Variants in ZNF536 observed in about 807,000 individuals in gnomAD.
ZNF536 encodes zinc finger protein 536.
Under a neutral mutation model 84.5 loss-of-function variants are expected in ZNF536, and 13 were observed. That is an observed-to-expected ratio of 0.15 (90% CI 0.10 to 0.24). The LOEUF (loss-of-function observed/expected upper bound fraction) is 0.24, where lower values mean the gene tolerates loss of function less well. Ranked by LOEUF, ZNF536 falls within the 10% of genes least tolerant of loss-of-function variation. The pLI, the probability that ZNF536 is intolerant of heterozygous loss-of-function variation, is 1.00. For missense variants in ZNF536, 1,536 were observed against 1,747.5 expected (o/e 0.88, Z 2.16); for synonymous variants, 811 against 742.5 (o/e 1.09, Z -1.50).
At chr19:30,435,516 G>T (rs1247697229) in intron 1 of ZNF536, among the ~76,000 whole-genome samples, 3 of 151,720 alleles carry the variant, frequency 2.0e-5, no homozygotes, top group Non-Finnish European at 4.4e-5. Context: ...TGATCATTAT[G>T]GTGATGATGA....
chr19:30,543,114 A>G (rs576595471), intron 3 of ZNF536, among the ~76,000 whole-genome samples: 26 of 152,284 alleles, frequency 1.7e-4, no homozygotes, highest in African/African-American at 6.0e-4. Context: ...CCTGGCCGAG[A>G]CTTTTCTTGG....
At chr19:30,631,144 C>T (rs988516084) in intron 1 of ZNF536, among the ~76,000 whole-genome samples, 3 of 152,184 alleles carry the variant, frequency 2.0e-5, no homozygotes, top group Admixed American at 1.3e-4. Flanking sequence ...CTCCTGTAGC[C>T]CCTCGGAAGC....
intron 1 of ZNF536, among the ~76,000 whole-genome samples, chr19:30,588,708 A>C (rs1196816244): frequency 6.6e-6 from 1 of 152,144 alleles, no homozygotes; most frequent in East Asian, 1.9e-4. Context: ...CTTTTCAGGC[A>C]ATTGCTTCTA....
chr19:30,432,048 G>A (rs759086359), intron 1 of ZNF536, among the ~76,000 whole-genome samples: 2 of 148,968 alleles, frequency 1.3e-5, no homozygotes, highest in Non-Finnish European at 3.0e-5. Flanking sequence ...CACGCACAGA[G>A]AGAGAGAGTC....
Position 30,443,548 on chromosome 19 carries a change from C to A in ZNF536, c.-2-13C>A, listed in dbSNP as rs373637353. The A allele has an allele frequency of 6.6e-6, 10 of 1,524,962 alleles. No homozygotes were observed. The highest frequency in any genetic ancestry group is 5.6e-5 in the African/African-American group (4 of 71,894). 94.5% of individuals were successfully genotyped at this position (1,524,962 alleles called of 1,614,324 possible). A position where few individuals can be genotyped will look rare whatever the true frequency, so the allele number is the denominator to read the frequency against. ...GCACCTGGCACGGATCTGAACTCTG[C>A]CTCTCTTTTCAGGGATGGAAGAAGC... On this transcript the variant is annotated splice_polypyrimidine_tract_variant and intron_variant, in intron 1 of 4. Transcript: ENST00000355537.
intron 2 of ZNF536, among the ~76,000 whole-genome samples, chr19:30,520,384 T>C (rs774025857): frequency 6.6e-5 from 10 of 152,118 alleles, no homozygotes; most frequent in Non-Finnish European, 1.5e-4. Flanking sequence ...GGGGAGCTCT[T>C]TGGAGATGTT....
At chr19:30,361,593 C>T (rs957493767) in intron 3 of ZNF536, among the ~76,000 whole-genome samples, 1 of 152,070 alleles carries the variant, frequency 6.6e-6, no homozygotes, top group South Asian at 2.1e-4. Flanking sequence ...GTCAAACACG[C>T]GCCATGGACC....
chr19:30,308,058 T>A lies in ZNF536; in HGVS notation c.-120+23917T>A, dbSNP rs187363458. On this transcript the variant is annotated intron_variant, in intron 2 of 5. Transcript: ENST00000585628. ...GTATACCATTCATTATGCTAAGGCC[T>A]GTATTAACAAGGGCTCTGGCTGATG... Among the ~76,000 whole-genome samples the A allele has an allele frequency of 3.2e-4, 48 of 152,336 alleles. No homozygotes were observed. In the East Asian group the frequency reaches 5.6e-3, roughly 18 times the overall value.
intron 2 of ZNF536, among the ~76,000 whole-genome samples, chr19:30,485,465 C>T (rs2144970148): frequency 6.6e-6 from 1 of 152,312 alleles, no homozygotes; most frequent in African/African-American, 2.4e-5. Context: ...CAGCCCAAGA[C>T]AACCGCACAT....
intron 3 of ZNF536, among the ~76,000 whole-genome samples, chr19:30,537,853 T>A (rs1468731945): frequency 1.3e-5 from 2 of 152,150 alleles, no homozygotes; most frequent in Non-Finnish European, 2.9e-5. Flanking sequence ...CATGGAAACA[T>A]CACACCACCT....
chr19:30,466,535 C>A (rs1255737553), intron 2 of ZNF536, among the ~76,000 whole-genome samples: 1 of 149,318 alleles, frequency 6.7e-6, no homozygotes, highest in Non-Finnish European at 1.5e-5. Context: ...TGCACTCCAG[C>A]TTTGGTGACA....
At chr19:30,543,552 G>A (rs1197164813) in intron 3 of ZNF536, among the ~76,000 whole-genome samples, 2 of 152,250 alleles carry the variant, frequency 1.3e-5, no homozygotes, top group African/African-American at 4.8e-5. Context: ...ATGTCCGGAG[G>A]CCTGGGATTT....
intron 1 of ZNF536, among the ~76,000 whole-genome samples, chr19:30,576,133 C>T (rs894662160): frequency 6.6e-6 from 1 of 152,158 alleles, no homozygotes; most frequent in Non-Finnish European, 1.5e-5. Flanking sequence ...TGCCTCTGAC[C>T]CTGGCTTTTC....
At chr19:30,648,435 A>G (rs534018663) in intron 1 of ZNF536, among the ~76,000 whole-genome samples, 1 of 152,160 alleles carries the variant, frequency 6.6e-6, no homozygotes, top group African/African-American at 2.4e-5. Flanking sequence ...ACATCACACC[A>G]AGGAGCCTGG....
At chr19:30,654,202 G>C (rs71335787) in intron 1 of ZNF536, among the ~76,000 whole-genome samples, 20 of 152,182 alleles carry the variant, frequency 1.3e-4, no homozygotes, top group Admixed American at 7.2e-4. Flanking sequence ...CCCAGGCTGC[G>C]TGGGGCCCAG....
chr19:30,490,845 T>A (rs1234516710), intron 2 of ZNF536, among the ~76,000 whole-genome samples: 1 of 152,176 alleles, frequency 6.6e-6, no homozygotes, highest in Non-Finnish European at 1.5e-5. Flanking sequence ...AGGGAAAATG[T>A]AAAAGTTGGT....
chr19:30,436,298 T>C (rs564471192), intron 1 of ZNF536, among the ~76,000 whole-genome samples: 33 of 152,298 alleles, frequency 2.2e-4, no homozygotes, highest in Admixed American at 1.8e-3. Context: ...TCTGGCCCCA[T>C]CTCATGGCAC....
At chr19:30,491,138 G>A (rs895950491) in intron 2 of ZNF536, among the ~76,000 whole-genome samples, 5 of 152,072 alleles carry the variant, frequency 3.3e-5, no homozygotes, top group Non-Finnish European at 5.9e-5. Context: ...GAAAACAAAC[G>A]GCAAGTCCTA....
intron 1 of ZNF536, among the ~76,000 whole-genome samples, chr19:30,649,080 G>A (rs1314674348): frequency 6.6e-6 from 1 of 152,170 alleles, no homozygotes; most frequent in Non-Finnish European, 1.5e-5. Flanking sequence ...CCTGGGTCTT[G>A]AGCCACCTCA....
Sources: gnomAD v4.1 joint callset for allele counts (sites outside exome capture counted in the v4.1 genomes callset) on GRCh38, gnomAD v4.1.1 for gene constraint, MANE v1.5 for transcripts, NCBI Gene and HGNC (gene_info 2026-07-23, HGNC 2026-07-21) for gene names.